The following PCDHGA1 variants were observed in gnomAD, a reference collection of about 807,000 sequenced individuals.
PCDHGA1 encodes the protein protocadherin gamma-A1.
In PCDHGA1, 32 loss-of-function variants were observed where a neutral mutation model predicts 58.0. That is an observed-to-expected ratio of 0.55 (90% confidence interval 0.42 to 0.74). PCDHGA1 has a LOEUF of 0.74. Among genes scored for constraint, PCDHGA1 ranks in the 30% least tolerant of loss-of-function variants. The pLI is 0.00. For missense variants in PCDHGA1, 1,205 were observed against 1,182.3 expected, an observed-to-expected ratio of 1.02 and a Z score of -0.28; for synonymous variants, 498 against 501.1, an observed-to-expected ratio of 0.99 and a Z score of 0.08.
intron 1 of PCDHGA1, chr5:141,341,594 G>T: frequency 1.9e-6 from 2 of 1,073,926 alleles, no homozygotes; most frequent in East Asian, 2.6e-5. Flanking sequence ...GAATCTTTGT[G>T]CAATGAATGT....
intron 1 of PCDHGA1, chr5:141,417,819 C>T: frequency 3.3e-6 from 5 of 1,513,202 alleles, no homozygotes; most frequent in Non-Finnish European, 3.5e-6. Flanking sequence ...GCACTTTCTC[C>T]AACTGGAAAA....
At position 141,469,759 on chromosome 5, in the gene PCDHGA1, T is replaced by C. The variant is rs192437401; in HGVS notation, c.2422-25048T>C. On this transcript the variant is annotated intron_variant, in intron 1 of 3. Coordinates refer to ENST00000517417, the MANE Select transcript of PCDHGA1 (RefSeq NM_018912.3). ...ACCTCAAAAATTACAAAAATACATATATACCAGCTTATTTATTACAGCGTT... is the reference window on the plus strand; with the variant it reads ...ACCTCAAAAATTACAAAAATACATACATACCAGCTTATTTATTACAGCGTT... 3.9e-3 allele frequency among the ~76,000 whole-genome samples: 591 copies of C among 152,310 alleles called. 6 individuals are homozygous for C. Among genetic ancestry groups the C allele is most frequent in the Admixed American group, 0.011 (171 of 15,298 alleles).
At chr5:141,462,314 A>C (rs1283684392) in intron 1 of PCDHGA1, among the ~76,000 whole-genome samples, 1 of 152,186 alleles carries the variant, frequency 6.6e-6, no homozygotes, top group Non-Finnish European at 1.5e-5. Flanking sequence ...TATATTTGTC[A>C]CTGATTTCTA....
At chr5:141,506,700 G>A (rs780282969) in intron 3 of PCDHGA1, among the ~76,000 whole-genome samples, 3 of 152,138 alleles carry the variant, frequency 2.0e-5, no homozygotes, top group Non-Finnish European at 2.9e-5. Flanking sequence ...ACCCAAACCC[G>A]TTTTTTACTG....
intron 1 of PCDHGA1, among the ~76,000 whole-genome samples, chr5:141,454,172 CAGCTAAAGG>C (rs1351117555): frequency 6.6e-6 from 1 of 152,126 alleles, no homozygotes; most frequent in Admixed American, 6.5e-5. Context: ...TCTAGAAGGG[CAGCTAAAGG>C]AGCTTAGTGA....
In PCDHGA1 at chr5:141,361,196, C is replaced by T. The variant is rs1018062167; in HGVS notation, c.2421+28091C>T. ...GAAGTTATTGTGACTTCAGTATCTA[C>T]TCCCCTACCGGAGGATTCGCCACCA... On this transcript the variant is annotated intron_variant, in intron 1 of 3. Transcript: ENST00000517417. 2 of 1,613,842 alleles carry T rather than the reference C, an allele frequency of 1.2e-6. No individual in the cohort carries two copies. The highest frequency in any genetic ancestry group is 1.3e-5 in the African/African-American group (1 of 74,918).
chr5:141,435,409 G>A (rs1387678336), intron 1 of PCDHGA1, among the ~76,000 whole-genome samples: 1 of 152,066 alleles, frequency 6.6e-6, no homozygotes, highest in African/African-American at 2.4e-5. Context: ...AAATGGTAAA[G>A]ACTATTTTTC....
intron 1 of PCDHGA1, chr5:141,418,804 T>C (rs368948947): frequency 3.3e-5 from 54 of 1,613,718 alleles, no homozygotes; most frequent in African/African-American, 5.3e-5. Flanking sequence ...TAGAAAGATA[T>C]ACGATAAACA....
intron 1 of PCDHGA1, chr5:141,412,510 T>G (rs1007512416): frequency 6.6e-6 from 1 of 152,204 alleles, no homozygotes; most frequent in Non-Finnish European, 1.5e-5. Flanking sequence ...ATAAGTTTAA[T>G]GAATTAAGTA....
intron 1 of PCDHGA1, among the ~76,000 whole-genome samples, chr5:141,435,568 A>C (rs564789030): frequency 8.7e-4 from 132 of 152,274 alleles, no homozygotes; most frequent in Middle Eastern, 6.8e-3. Context: ...TTTTTTTAGT[A>C]CTGGGGCAAA....
chr5:141,454,675 G>A (rs973403044), intron 1 of PCDHGA1, among the ~76,000 whole-genome samples: 8 of 151,764 alleles, frequency 5.3e-5, no homozygotes, highest in Non-Finnish European at 1.0e-4. Context: ...CAAAACACTG[G>A]GATTACAGGC....
chr5:141,421,679 C>A, intron 1 of PCDHGA1: 1 of 1,613,810 alleles, frequency 6.2e-7, no homozygotes, highest in East Asian at 2.2e-5. Flanking sequence ...ATTCCTGGGG[C>A]GCGATTTGCT....
chr5:141,338,995 A>G (rs1352757366), intron 1 of PCDHGA1: 1 of 1,547,780 alleles, frequency 6.5e-7, no homozygotes, highest in East Asian at 2.3e-5. Flanking sequence ...AAAAGTTGCC[A>G]CACTGCAGAA....
intron 1 of PCDHGA1, chr5:141,378,729 T>C (rs769149282): frequency 1.1e-4 from 17 of 152,216 alleles, no homozygotes; most frequent in African/African-American, 3.4e-4. Flanking sequence ...GAACTCTTTA[T>C]TGAAATATTT....
chr5:141,506,380 T>C (rs1209879935), intron 3 of PCDHGA1, among the ~76,000 whole-genome samples: 1 of 141,314 alleles, frequency 7.1e-6, no homozygotes, highest in Non-Finnish European at 1.5e-5. Flanking sequence ...ACCTGGGAGG[T>C]GGCTGTGGTG....
Position 141,330,643 on chromosome 5 carries a change from C to A in PCDHGA1, c.-42C>A, listed in dbSNP as rs370228411. On this transcript the variant is annotated 5_prime_UTR_variant, in exon 1 of 4. Coordinates refer to ENST00000517417, the MANE Select transcript of PCDHGA1 (RefSeq NM_018912.3). Reference sequence around the variant, plus strand: ...CAGCTCAGAAAAGCAGAAACGATACCCTTGGTACTGGACTGGAAGAAAACT... The same window carrying A: ...CAGCTCAGAAAAGCAGAAACGATACACTTGGTACTGGACTGGAAGAAAACT... 1.3e-4 allele frequency: 204 copies of A among 1,549,630 alleles called. No homozygotes were observed. The highest frequency in any genetic ancestry group is 5.2e-4 in the Middle Eastern group (3 of 5,732).
At chr5:141,433,318 G>A (rs1659490277) in intron 1 of PCDHGA1, 2 of 788,746 alleles carry the variant, frequency 2.5e-6, no homozygotes, top group Non-Finnish European at 4.0e-6. Context: ...CTTTGCCTCC[G>A]GTGTAACAGG....
chr5:141,433,878 T>C (rs774226497), intron 1 of PCDHGA1, among the ~76,000 whole-genome samples: 15 of 151,848 alleles, frequency 9.9e-5, no homozygotes, highest in Non-Finnish European at 1.5e-4. Flanking sequence ...GTTTCATCCA[T>C]TGATGACACT....
At chr5:141,460,456 T>C (rs2098989632) in intron 1 of PCDHGA1, among the ~76,000 whole-genome samples, 1 of 152,124 alleles carries the variant, frequency 6.6e-6, no homozygotes, top group South Asian at 2.1e-4. Flanking sequence ...AAGATTCATA[T>C]TTTTTTCCAA....
Sources: allele counts gnomAD v4.1 joint callset (sites outside exome capture counted in the v4.1 genomes callset), GRCh38; gene constraint gnomAD v4.1.1; transcripts MANE v1.5; gene names NCBI Gene and HGNC (gene_info 2026-07-23, HGNC 2026-07-21).